The following TLL1 variants were observed in gnomAD, a reference collection of about 807,000 sequenced individuals.
TLL1 encodes the protein tolloid-like protein 1.
A neutral mutation model predicts 128.2 loss-of-function variants in TLL1; 49 were observed. That is an observed-to-expected ratio of 0.38 (90% CI 0.30 to 0.48). TLL1 has a LOEUF of 0.48. Ranked by LOEUF, TLL1 falls within the 20% of genes least tolerant of loss-of-function variation. TLL1 has a pLI of 0.96. For missense variants in TLL1, 1,123 were observed against 1,242.0 expected (o/e 0.90, Z 1.44); for synonymous variants, 454 against 418.8 (o/e 1.08, Z -1.03).
chr4:165,935,127 T>C (rs1733704953), intron 1 of TLL1, among the ~76,000 whole-genome samples: 1 of 152,154 alleles, frequency 6.6e-6, no homozygotes, highest in Admixed American at 6.6e-5. Context: ...ATTTTGCACA[T>C]AAGGAGATGG....
At chr4:166,018,091 A>C (rs571160097) in intron 8 of TLL1, among the ~76,000 whole-genome samples, 1 of 152,238 alleles carries the variant, frequency 6.6e-6, no homozygotes, top group South Asian at 2.1e-4. Flanking sequence ...TTTCATACAG[A>C]GAGGAGGGGG....
intron 1 of TLL1, among the ~76,000 whole-genome samples, chr4:165,958,060 A>G (rs1393519265): frequency 1.3e-5 from 2 of 149,992 alleles, no homozygotes; most frequent in African/African-American, 2.5e-5. Flanking sequence ...TTATGGCTGC[A>G]TAGTATTCCA....
At chr4:165,966,088 G>A (rs958875039) in intron 1 of TLL1, among the ~76,000 whole-genome samples, 7 of 150,636 alleles carry the variant, frequency 4.6e-5, no homozygotes, top group African/African-American at 1.7e-4. Flanking sequence ...CTGAGGCAGA[G>A]AACTGCTTGA....
intron 1 of TLL1, among the ~76,000 whole-genome samples, chr4:165,905,444 C>T (rs991010042): frequency 1.3e-5 from 2 of 152,196 alleles, no homozygotes; most frequent in African/African-American, 4.8e-5. Context: ...ATATTTCCCT[C>T]ATCAGATTAA....
rs767182676 is a variant in TLL1, at chr4:166,099,443, A to G, written c.2823A>G (p.Glu941=). 3.7e-6 allele frequency: 6 copies of G among 1,613,462 alleles called. No homozygotes were observed. Among genetic ancestry groups the G allele is most frequent in the Non-Finnish European group, 5.1e-6 (6 of 1,179,686 alleles). Residue 941 remains glutamate (E), a synonymous_variant, in exon 20 of 21, where the codon GAA becomes GAG. Coordinates refer to ENST00000061240, the MANE Select transcript of TLL1 (RefSeq NM_012464.5). The part of the protein sequence containing the change: ...LSFQTFEVEE[E]ADCGYDYVEL... ...TCCAGACATTTGAAGTGGAGGAAGA[A>G]GCAGACTGTGGCTATGACTATGTGG...
chr4:165,900,266 A>G (rs1210274002), intron 1 of TLL1, among the ~76,000 whole-genome samples: 3 of 151,960 alleles, frequency 2.0e-5, no homozygotes, highest in South Asian at 4.1e-4. Flanking sequence ...TGTGAATTTG[A>G]TCCTGTCATC....
At chr4:166,036,564 A>G (rs1478766057) in intron 9 of TLL1, among the ~76,000 whole-genome samples, 1 of 152,208 alleles carries the variant, frequency 6.6e-6, no homozygotes, top group Non-Finnish European at 1.5e-5. Context: ...TTCAAGTACG[A>G]ATCCTGCTAG....
At chr4:166,026,975 C>G (rs1186866321) in intron 9 of TLL1, among the ~76,000 whole-genome samples, 2 of 152,036 alleles carry the variant, frequency 1.3e-5, no homozygotes, top group African/African-American at 4.8e-5. Context: ...ATAGCAAAAA[C>G]ATGGAATCAA....
intron 2 of TLL1, 32 bp from the exon 3 acceptor site, chr4:165,992,772 T>C (rs1736705828): frequency 1.3e-6 from 2 of 1,593,528 alleles, no homozygotes; most frequent in Non-Finnish European, 1.7e-6. Context: ...TAACATATTT[T>C]GAGTTTAACT....
At chr4:166,051,244 CTCTTTTT>C (rs1442672701) in intron 12 of TLL1, among the ~76,000 whole-genome samples, 2 of 151,342 alleles carry the variant, frequency 1.3e-5, no homozygotes, top group Non-Finnish European at 3.0e-5. Flanking sequence ...TTTCTTTTTT[CTCTTTTT>C]TCTTTTTTCT....
At chr4:166,079,411 A>G (rs1348916143) in intron 18 of TLL1, among the ~76,000 whole-genome samples, 7 of 152,142 alleles carry the variant, frequency 4.6e-5, no homozygotes, top group Non-Finnish European at 1.5e-5. Context: ...TTCATTGCAT[A>G]TAGAATTCTA....
chr4:165,915,196 G>A (rs1343535729), intron 1 of TLL1, among the ~76,000 whole-genome samples: 1 of 152,130 alleles, frequency 6.6e-6, no homozygotes, highest in African/African-American at 2.4e-5. Flanking sequence ...TGTACTATAA[G>A]TAATATTGAC....
chr4:166,075,434 ACT>A (rs902790478), intron 17 of TLL1, among the ~76,000 whole-genome samples: 2 of 152,152 alleles, frequency 1.3e-5, no homozygotes, highest in African/African-American at 4.8e-5. Flanking sequence ...GGAGCATCAA[ACT>A]CAAATGCCTA....
At chr4:166,043,662 T>C (rs2111095073) in intron 12 of TLL1, among the ~76,000 whole-genome samples, 1 of 152,342 alleles carries the variant, frequency 6.6e-6, no homozygotes, top group Middle Eastern at 3.4e-3. Flanking sequence ...TGAATTAGAA[T>C]GTTTGAAGTA....
At chr4:166,005,103 T>C (rs1323824709) in intron 6 of TLL1, among the ~76,000 whole-genome samples, 1 of 151,946 alleles carries the variant, frequency 6.6e-6, no homozygotes, top group Non-Finnish European at 1.5e-5. Flanking sequence ...TGAGGGGAAA[T>C]CTTCAAAAGT....
chr4:165,916,885 T>G (rs536803727), intron 1 of TLL1, among the ~76,000 whole-genome samples: 2 of 152,264 alleles, frequency 1.3e-5, no homozygotes, highest in African/African-American at 2.4e-5. Flanking sequence ...AATAATAGTA[T>G]TATTAATGAT....
chr4:165,874,188 C>T lies in TLL1; in HGVS notation c.169+115C>T, dbSNP rs1730620929. Reference sequence around the variant, plus strand: ...TTCCCTCCCGCGTCAGCCCCTCCGCCGCCCCTCCTTCTCTCCCCCTCCTTT... The same window carrying T: ...TTCCCTCCCGCGTCAGCCCCTCCGCTGCCCCTCCTTCTCTCCCCCTCCTTT... On this transcript the variant is annotated intron_variant, in intron 1 of 20. Coordinates refer to ENST00000061240, the MANE Select transcript of TLL1 (RefSeq NM_012464.5). The T allele has an allele frequency of 3.9e-6, 5 of 1,287,884 alleles. No homozygotes were observed. In the East Asian group the frequency reaches 9.3e-5, roughly 24 times the overall value. The allele number at this position is 1,287,884 out of a possible 1,614,324, so 79.8% of individuals were successfully genotyped here. A position where few individuals can be genotyped will look rare whatever the true frequency, so the allele number is the denominator to read the frequency against.
intron 1 of TLL1, among the ~76,000 whole-genome samples, chr4:165,900,959 T>C (rs943246375): frequency 1.3e-5 from 2 of 152,044 alleles, no homozygotes; most frequent in African/African-American, 4.8e-5. Context: ...CTCTCTAATC[T>C]TGTCTTCATG....
intron 12 of TLL1, among the ~76,000 whole-genome samples, chr4:166,050,102 A>C (rs1355875683): frequency 6.6e-6 from 1 of 152,200 alleles, no homozygotes; most frequent in Non-Finnish European, 1.5e-5. Context: ...TTAAGTGTAC[A>C]GTTCAGTAGT....
Sources: allele counts gnomAD v4.1 joint callset (sites outside exome capture counted in the v4.1 genomes callset), GRCh38; gene constraint gnomAD v4.1.1; transcripts MANE v1.5; gene names NCBI Gene and HGNC (gene_info 2026-07-23, HGNC 2026-07-21).